ASTN2: variants seen among roughly 807,000 people sequenced by gnomAD.
ASTN2 encodes the protein astrotactin-2.
Under a neutral mutation model 139.8 loss-of-function variants are expected in ASTN2, and 54 were observed. The ratio of observed to expected loss-of-function variants is 0.39; its 90% CI spans 0.31 to 0.48. The LOEUF is 0.48. ASTN2 is among the 20% of genes least tolerant of loss of function. The probability of loss-of-function intolerance (pLI) is 0.95; values close to 1 mark genes in which losing one functional copy is unlikely to be tolerated. For missense variants in ASTN2, 1,565 were observed against 1,725.1 expected, an observed-to-expected ratio of 0.91 and a Z score of 1.64; for synonymous variants, 756 against 719.5, an observed-to-expected ratio of 1.05 and a Z score of -0.81.
At chr9:117,212,576 AAAAAAACAAAAAAC>A (rs995843070) in intron 3 of ASTN2, among the ~76,000 whole-genome samples, 1 of 1,882 alleles carries the variant, frequency 5.3e-4, no homozygotes, top group Non-Finnish European at 1.8e-3. Flanking sequence ...AACAAAAAAC[AAAAAAACAAAAAAC>A]AAAAAAACCC....
intron 10 of ASTN2, among the ~76,000 whole-genome samples, chr9:116,935,808 T>C (rs991781211): frequency 6.6e-6 from 1 of 152,208 alleles, no homozygotes; most frequent in African/African-American, 2.4e-5. Context: ...TGTATTTGTT[T>C]AGTACGATTT....
rs1850654288 is a variant in ASTN2, at chr9:116,516,469, AG to A, written c.3356-28970del. ...GATCATTATGATAATAAATAGAATG[AG>A]GGCCTTTTCTCAAATATGGCAGATA... On this transcript the variant is annotated intron_variant, in intron 19 of 22. Coordinates refer to ENST00000313400, the MANE Select transcript of ASTN2 (RefSeq NM_001365068.1). Among the ~76,000 whole-genome samples the A allele has an allele frequency of 1.1e-4, 16 of 152,342 alleles. No individual in the cohort carries two copies. In the South Asian group the frequency reaches 3.3e-3, roughly 32 times the overall value.
intron 11 of ASTN2, among the ~76,000 whole-genome samples, chr9:116,858,605 G>A (rs1486441278): frequency 1.3e-5 from 2 of 152,052 alleles, no homozygotes; most frequent in African/African-American, 2.4e-5. Flanking sequence ...ATTTCAAACT[G>A]TGCCTTGCTG....
chr9:116,474,481 C>T (rs1479421746), intron 20 of ASTN2, among the ~76,000 whole-genome samples: 1 of 152,134 alleles, frequency 6.6e-6, no homozygotes, highest in Non-Finnish European at 1.5e-5. Context: ...AGTCTGGATT[C>T]CGTCTCACCT....
In ASTN2 at chr9:116,440,792, T is replaced by C. The variant is rs1847816707; in HGVS notation, c.3599A>G (p.Glu1200Gly). The change falls in exon 22 of 23, where the codon GAA (glutamate) becomes GGA (glycine). Residue 1200 changes from glutamate (E) to glycine (G), a missense_variant and splice_region_variant. This residue lies in a region of ASTN2 where 418 missense variants were observed against 465.8 expected (regional missense o/e 0.90). Coordinates refer to ENST00000313400, the MANE Select transcript of ASTN2 (RefSeq NM_001365068.1). ...CAGATTGTAGATCTTGTCAGCTATT[T>C]CTGAGAGGGCAGAAGGGCAGAAACA... ...CPLVDDNKAE[E>G]IADKIYNLYN... is the part of the protein sequence containing the mutation. 3 of 1,612,212 alleles carry C rather than the reference T, an allele frequency of 1.9e-6. No homozygotes were observed. The highest frequency in any genetic ancestry group is 2.5e-6 in the Non-Finnish European group (3 of 1,178,510).
At chr9:117,291,272 C>A (rs1297266047) in intron 2 of ASTN2, 54 bp downstream of exon 2, 37 of 1,594,422 alleles carry the variant, frequency 2.3e-5, no homozygotes, top group Non-Finnish European at 3.1e-5. Context: ...CATCTCTCCA[C>A]CCATTCCTCC....
intron 6 of ASTN2, among the ~76,000 whole-genome samples, chr9:117,027,054 A>G (rs1838109056): frequency 6.6e-6 from 1 of 152,192 alleles, no homozygotes; most frequent in Admixed American, 6.5e-5. Flanking sequence ...TACTGAATGC[A>G]AAAAGTAGTA....
intron 4 of ASTN2, among the ~76,000 whole-genome samples, chr9:117,133,677 A>G (rs1829876987): frequency 6.6e-6 from 1 of 152,256 alleles, no homozygotes; most frequent in Non-Finnish European, 1.5e-5. Flanking sequence ...AATAAAAGAT[A>G]GTAAATGACA....
intron 10 of ASTN2, among the ~76,000 whole-genome samples, chr9:116,928,248 C>T (rs1834811866): frequency 6.6e-6 from 1 of 152,190 alleles, no homozygotes; most frequent in Admixed American, 6.5e-5. Context: ...AACTGAGGCA[C>T]AGAGAAGGGA....
intron 13 of ASTN2, among the ~76,000 whole-genome samples, chr9:116,760,764 G>A (rs1048298753): frequency 1.3e-5 from 2 of 152,056 alleles, no homozygotes; most frequent in Non-Finnish European, 2.9e-5. Flanking sequence ...AACAGACTTG[G>A]GTGACAGGCA....
At chr9:117,186,550 AAAAT>A (rs951734577) in intron 3 of ASTN2, among the ~76,000 whole-genome samples, 1 of 152,076 alleles carries the variant, frequency 6.6e-6, no homozygotes, top group Admixed American at 6.5e-5. Context: ...CTGTCTCAAA[AAAAT>A]AAATAAATAA....
At chr9:116,478,706 A>G (rs982222978) in intron 20 of ASTN2, among the ~76,000 whole-genome samples, 3 of 152,146 alleles carry the variant, frequency 2.0e-5, no homozygotes, top group African/African-American at 7.2e-5. Flanking sequence ...TGAAATGCAC[A>G]GCCTCAGGCT....
In ASTN2 at chr9:116,601,889, T is replaced by C. The variant is rs141400244; in HGVS notation, c.3355+16435A>G. ...GCAATGACTACATTGATTGTTATGA[T>C]TGGACTAGATGTGGTAACCCAGAGA... is the stretch of plus-strand genomic sequence containing the variant. On this transcript the variant is annotated intron_variant, in intron 19 of 22. Transcript: ENST00000313400. 2.6e-3 allele frequency among the ~76,000 whole-genome samples: 401 copies of C among 152,256 alleles called. 1 individual carries two copies. Among genetic ancestry groups the C allele is most frequent in the South Asian group, 8.3e-3 (40 of 4,818 alleles).
At chr9:116,777,203 G>C (rs1830106334) in intron 13 of ASTN2, among the ~76,000 whole-genome samples, 1 of 152,130 alleles carries the variant, frequency 6.6e-6, no homozygotes, top group Non-Finnish European at 1.5e-5. Flanking sequence ...GTCTGGAAAA[G>C]AATGTGACAG....
At chr9:116,548,322 T>C (rs1852194027) in intron 19 of ASTN2, among the ~76,000 whole-genome samples, 1 of 152,202 alleles carries the variant, frequency 6.6e-6, no homozygotes, top group Non-Finnish European at 1.5e-5. Context: ...CTGTCTGTAC[T>C]GACTCACAGC....
In ASTN2 at chr9:116,674,082, T is replaced by C. The variant is rs192689978; in HGVS notation, c.2807-22289A>G. On this transcript the variant is annotated intron_variant, in intron 16 of 22. Coordinates refer to ENST00000313400, the MANE Select transcript of ASTN2 (RefSeq NM_001365068.1). The stretch of plus-strand genomic sequence containing the variant: ...CTTCTTGCCTGGGGACTAGATTGCC[T>C]TTGTAGGACTAACATTAGCCACAGA... Among the ~76,000 whole-genome samples, 837 of 152,336 alleles carry C rather than the reference T, an allele frequency of 5.5e-3. 9 individuals carry two copies. The highest frequency in any genetic ancestry group is 0.018 in the African/African-American group (737 of 41,584).
chr9:116,764,043 AC>A (rs1183399124), intron 13 of ASTN2, among the ~76,000 whole-genome samples: 1 of 152,160 alleles, frequency 6.6e-6, no homozygotes, highest in Non-Finnish European at 1.5e-5. Context: ...AGTCTTTCCA[AC>A]ACTCCTATGA....
intron 11 of ASTN2, among the ~76,000 whole-genome samples, chr9:116,839,060 A>G (rs1160736649): frequency 1.3e-5 from 2 of 152,202 alleles, no homozygotes; most frequent in Non-Finnish European, 2.9e-5. Context: ...GGCCAGAGAA[A>G]GCATAATAAC....
chr9:117,023,989 T>C (rs898842056), intron 6 of ASTN2, among the ~76,000 whole-genome samples: 1 of 152,010 alleles, frequency 6.6e-6, no homozygotes, highest in Non-Finnish European at 1.5e-5. Flanking sequence ...GGGGAGGGGA[T>C]GGGACTGGGC....
Sources: allele counts gnomAD v4.1 joint callset (sites outside exome capture counted in the v4.1 genomes callset), GRCh38; gene constraint gnomAD v4.1.1; regional missense constraint gnomAD v4.1.1; transcripts MANE v1.5; gene names NCBI Gene and HGNC (gene_info 2026-07-23, HGNC 2026-07-21).